Variants in CEP152 observed in about 807,000 individuals in gnomAD.
CEP152 encodes the protein centrosomal protein 152.
In CEP152, 132 loss-of-function variants were observed where a neutral mutation model predicts 188.9. The observed-to-expected ratio is 0.70, with a 90% confidence interval of 0.61 to 0.81. CEP152 has a LOEUF of 0.81. CEP152 is among the 30% of genes least tolerant of loss of function. CEP152 has a pLI of 0.00. For synonymous variants in CEP152, 649 were observed against 666.6 expected (o/e 0.97, Z 0.41); for missense variants, 1,914 against 1,969.8 (o/e 0.97, Z 0.54).
intron 13 of CEP152, among the ~76,000 whole-genome samples, chr15:48,769,726 C>G (rs1001931851): frequency 2.0e-5 from 3 of 152,176 alleles, no homozygotes; most frequent in South Asian, 2.1e-4. Flanking sequence ...CTACTAAGAT[C>G]AAGCATTTAT....
At chr15:48,757,461 T>C (rs965169084) in intron 19 of CEP152, among the ~76,000 whole-genome samples, 4 of 152,244 alleles carry the variant, frequency 2.6e-5, no homozygotes, top group Non-Finnish European at 5.9e-5. Context: ...TTTGGATGCA[T>C]GGCCTTGCAA....
At chr15:48,809,005 T>C (rs145809943) in intron 1 of CEP152, among the ~76,000 whole-genome samples, 1,537 of 152,322 alleles carry the variant, frequency 0.01, 16 homozygotes, top group African/African-American at 0.033. Context: ...TGTCTTGTTG[T>C]TACACTCAGA....
At position 48,756,366 on chromosome 15, in the gene CEP152, T is replaced by C. The variant is rs763859808; in HGVS notation, c.2882A>G (p.Asn961Ser). 9.4e-6 allele frequency: 15 copies of C among 1,589,908 alleles called. No individual in the cohort carries two copies. The highest frequency in any genetic ancestry group is 1.8e-5 in the Admixed American group (1 of 55,756). ...GTGGATTTCTTCTTGCTTTTCTTTG[T>C]TCCATTCACTCCGAGCCTTAGCTAA... ...AELAKARSEW[N>S]KEKQEEIHRI... The change falls in exon 20 of 27, where the codon AAC becomes AGC. Residue 961 changes from asparagine to serine, a missense_variant. By Grantham distance (46) the Asn-to-Ser change is conservative. Transcript: ENST00000380950.
chr15:48,792,351 C>T (rs947724085), intron 7 of CEP152, among the ~76,000 whole-genome samples: 6 of 152,168 alleles, frequency 3.9e-5, no homozygotes, highest in Admixed American at 3.9e-4. Context: ...TTTGCTATAA[C>T]AGCTCACAAG....
downstream of CEP152, among the ~76,000 whole-genome samples, chr15:48,736,962 T>G (rs910312228): frequency 6.6e-6 from 1 of 152,174 alleles, no homozygotes; most frequent in Admixed American, 6.5e-5. Flanking sequence ...GCCTAACTGT[T>G]GGAGAAGGAG....
At chr15:48,783,265 T>C (rs185715769) in intron 10 of CEP152, 2 of 152,304 alleles carry the variant, frequency 1.3e-5, no homozygotes, top group Admixed American at 1.3e-4. Flanking sequence ...AAACAACTGC[T>C]GAAACTAAAA....
At chr15:48,794,138 A>G (rs925972407) in intron 6 of CEP152, among the ~76,000 whole-genome samples, 3 of 152,150 alleles carry the variant, frequency 2.0e-5, no homozygotes, top group African/African-American at 4.8e-5. Flanking sequence ...AAACCCCAGC[A>G]TTATTTAATA....
rs1893946821 is a variant in CEP152, at chr15:48,752,455, C to T, written c.3360G>A (p.Glu1120=). The T allele has an allele frequency of 1.2e-6, 2 of 1,613,616 alleles. No individual in the cohort carries two copies. Among genetic ancestry groups the T allele is most frequent in the Non-Finnish European group, 1.7e-6 (2 of 1,180,004 alleles). ...DPEWKKRNMA[E]LSKDSASQGT... ...CCTGGCTGGCAGAATCCTTAGAGAG[C>T]TCGGCCATATTTCTCTGAAATAAAG... The change falls in exon 21 of 27, where the codon GAG becomes GAA. Residue 1120 remains glutamate (E), a synonymous_variant. Transcript: ENST00000380950.
rs778933589 is a variant in CEP152 at position 48,781,209 on chromosome 15, A to AT, written c.1563dup (p.Ser522IlefsTer14). ...TTCTTTCCATACCTGGTAACTTTGGATTTTTTCCAGTTGACCTTTTTAATA... is the reference window on the plus strand; with the variant it reads ...TTCTTTCCATACCTGGTAACTTTGGATTTTTTTCCAGTTGACCTTTTTAATA... On this transcript the variant is annotated frameshift_variant, in exon 12 of 27. Coordinates refer to ENST00000380950, the MANE Select transcript of CEP152 (RefSeq NM_001194998.2). LOFTEE classifies it high-confidence loss of function. The AT allele has an allele frequency of 3.1e-6, 5 of 1,613,186 alleles. No homozygotes were observed. In the African/African-American group the frequency reaches 4.0e-5, roughly 13 times the overall value.
intron 2 of CEP152, among the ~76,000 whole-genome samples, chr15:48,802,220 A>AATT (rs1487204173): frequency 6.6e-6 from 1 of 152,214 alleles, no homozygotes; most frequent in African/African-American, 2.4e-5. Context: ...AGAGCTTCTG[A>AATT]ATTATTTTCT....
chr15:48,805,775 T>C, intron 1 of CEP152, 119 bp from the exon 2 acceptor site: 1 of 1,333,780 alleles, frequency 7.5e-7, no homozygotes, highest in South Asian at 1.3e-5. Flanking sequence ...TGGGAGAAAA[T>C]ATGTATAACT....
chr15:48,805,033 A>G (rs1163471692), intron 2 of CEP152, among the ~76,000 whole-genome samples: 2 of 152,166 alleles, frequency 1.3e-5, no homozygotes, highest in Non-Finnish European at 2.9e-5. Context: ...GTCTCAGCTC[A>G]TATATTGCCT....
In CEP152 at chr15:48,744,323, A is replaced by T; in HGVS notation, c.3752T>A (p.Ile1251Asn). 1 of 1,614,096 alleles carries T rather than the reference A, an allele frequency of 6.2e-7. No homozygotes were observed. The highest frequency in any genetic ancestry group is 8.5e-7 in the Non-Finnish European group (1 of 1,179,980). The change falls in exon 24 of 27, where the codon ATT becomes AAT. Residue 1251 changes from isoleucine to asparagine, a missense_variant. Ile to Asn is a moderately radical substitution (Grantham distance 149). Transcript: ENST00000380950. ...ACTGCATGGCAGGCAAGCATTTTCA[A>T]TGGCCCCTGCTGACAATGACCTAAA... ...TPPRSLSAGA[I>N]ENACLPCSGG...
rs751157684 is a variant in CEP152, at chr15:48,756,442, T to TC, written c.2805dup (p.Lys936GlufsTer4). The TC allele has an allele frequency of 6.2e-7, 1 of 1,613,888 alleles. No individual in the cohort carries two copies. The highest frequency in any genetic ancestry group is 1.1e-5 in the South Asian group (1 of 91,064). On this transcript the variant is annotated frameshift_variant, in exon 20 of 27. Transcript: ENST00000380950. LOFTEE classifies it high-confidence loss of function. ...TCTTCGTTCTTTAACTCAAGTTCCT[T>TC]CTGAAGAGAATGAATCTTCTCTTCC...
At chr15:48,804,395 C>T (rs548769561) in intron 2 of CEP152, among the ~76,000 whole-genome samples, 2 of 152,312 alleles carry the variant, frequency 1.3e-5, no homozygotes, top group East Asian at 3.9e-4. Flanking sequence ...GTCAACTGAC[C>T]CTATTCCTTG....
chr15:48,767,600 A>G, intron 15 of CEP152, 137 bp from the exon 16 acceptor site: 1 of 1,105,766 alleles, frequency 9.0e-7, no homozygotes, highest in Non-Finnish European at 1.3e-6. Context: ...CCCCAACTGA[A>G]AGTGGTAATA....
intron 12 of CEP152, among the ~76,000 whole-genome samples, chr15:48,777,803 A>C (rs1026213992): frequency 6.6e-6 from 1 of 152,066 alleles, no homozygotes; most frequent in African/African-American, 2.4e-5. Flanking sequence ...ATGCATCCCC[A>C]ATTTCTTTTC....
At position 48,760,395 on chromosome 15, in the gene CEP152, G is replaced by A. The variant is rs556613284; in HGVS notation, c.2563-129C>T. On this transcript the variant is annotated intron_variant, in intron 18 of 26. Coordinates refer to ENST00000380950, the MANE Select transcript of CEP152 (RefSeq NM_001194998.2). Reference sequence around the variant, plus strand: ...ACTACATAATAAAGTCAAACTGACTGCAAGTACCCTACCTATCCCAAACAG... The same window carrying A: ...ACTACATAATAAAGTCAAACTGACTACAAGTACCCTACCTATCCCAAACAG... 1.0e-4 allele frequency: 110 copies of A among 1,084,682 alleles called. 5 individuals are homozygous for A. In the South Asian group the frequency reaches 1.5e-3, roughly 14 times the overall value. The allele number at this position is 1,084,682 out of a possible 1,614,324, so 67.2% of individuals were successfully genotyped here.
chr15:48,731,606 C>CA (rs533643960), intron 2 of CEP152, among the ~76,000 whole-genome samples: 39 of 152,240 alleles, frequency 2.6e-4, no homozygotes, highest in Admixed American at 9.1e-4. Context: ...TAGGCAATAC[C>CA]ATTTAGGACA....
Sources: allele counts gnomAD v4.1 joint callset (sites outside exome capture counted in the v4.1 genomes callset), GRCh38; gene constraint gnomAD v4.1.1; transcripts MANE v1.5; gene names NCBI Gene and HGNC (gene_info 2026-07-23, HGNC 2026-07-21).